The following KIDINS220 variants were observed in gnomAD, a reference collection of about 807,000 sequenced individuals.
KIDINS220 encodes the protein kinase D-interacting substrate of 220 kDa.
Under a neutral mutation model 157.6 loss-of-function variants are expected in KIDINS220, and 63 were observed. That is an observed-to-expected ratio of 0.40 (90% CI 0.33 to 0.49). The LOEUF (loss-of-function observed/expected upper bound fraction) is 0.49. Among genes scored for constraint, KIDINS220 ranks in the 20% least tolerant of loss-of-function variants. The pLI, the probability that KIDINS220 is intolerant of heterozygous loss-of-function variation, is 0.66. For synonymous variants in KIDINS220, 732 were observed against 783.6 expected (o/e 0.93, Z 1.10); for missense variants, 1,772 against 2,171.2 (o/e 0.82, Z 3.65).
rs2147939165 is a variant in KIDINS220, at chr2:8,730,522, A to G, written c.*198T>C. 7.0e-7 allele frequency: 1 copy of G among 1,423,022 alleles called. No homozygotes were observed. The highest frequency in any genetic ancestry group is 9.1e-7 in the Non-Finnish European group (1 of 1,095,784). The allele number at this position is 1,423,022 out of a possible 1,614,324, so 88.1% of individuals were successfully genotyped here. Reference sequence around the variant, plus strand: ...AGTTCTGAAGCTTCTAATTACAAAGACCACAGAGGCTGGCTGGTGAGCCAT... The same window carrying G: ...AGTTCTGAAGCTTCTAATTACAAAGGCCACAGAGGCTGGCTGGTGAGCCAT... On this transcript the variant is annotated 3_prime_UTR_variant, in exon 30 of 30. Coordinates refer to ENST00000256707, the MANE Select transcript of KIDINS220 (RefSeq NM_020738.4).
At chr2:8,797,770 A>C (rs1428414447) in intron 10 of KIDINS220, among the ~76,000 whole-genome samples, 1 of 152,208 alleles carries the variant, frequency 6.6e-6, no homozygotes, top group African/African-American at 2.4e-5. Flanking sequence ...AAAACAGTTG[A>C]AAGTAGCTAG....
chr2:8,809,085 C>A (rs970396737), intron 6 of KIDINS220, among the ~76,000 whole-genome samples: 1 of 152,156 alleles, frequency 6.6e-6, no homozygotes, highest in Non-Finnish European at 1.5e-5. Context: ...GTGGCACAAT[C>A]TCAGCTCACT....
chr2:8,734,400 G>A (rs754094011), intron 28 of KIDINS220, among the ~76,000 whole-genome samples: 37 of 152,236 alleles, frequency 2.4e-4, no homozygotes, highest in African/African-American at 5.3e-4. Flanking sequence ...ATGAAGAACC[G>A]GCAGGCGGCC....
At chr2:8,824,400 G>A (rs529177225) in intron 2 of KIDINS220, among the ~76,000 whole-genome samples, 17 of 152,262 alleles carry the variant, frequency 1.1e-4, no homozygotes, top group African/African-American at 3.6e-4. Flanking sequence ...ACATTTATAC[G>A]TCAGGCATGA....
intron 6 of KIDINS220, among the ~76,000 whole-genome samples, chr2:8,810,008 G>A (rs1443513418): frequency 6.6e-6 from 1 of 152,002 alleles, no homozygotes; most frequent in African/African-American, 2.4e-5. Context: ...ACCACTGAGG[G>A]TGCACTCAAC....
At chr2:8,725,189 AT>A (rs974933389), downstream of KIDINS220, 10 of 152,238 alleles carry the variant, frequency 6.6e-5, no homozygotes, top group African/African-American at 1.9e-4. Context: ...AAATAGTTTA[AT>A]TTCCATCAAG....
intron 1 of KIDINS220, among the ~76,000 whole-genome samples, chr2:8,836,421 A>T (rs1194155794): frequency 1.3e-5 from 2 of 151,848 alleles, no homozygotes; most frequent in African/African-American, 2.4e-5. Flanking sequence ...AGGGTGTAGA[A>T]CAAGGATTCT....
chr2:8,746,132 C>T (rs1312702335), intron 26 of KIDINS220, among the ~76,000 whole-genome samples: 8 of 147,778 alleles, frequency 5.4e-5, no homozygotes, highest in Non-Finnish European at 8.9e-5. Context: ...GACCGAGTCT[C>T]GCTCTTGTTG....
chr2:8,829,909 C>T (rs1223582316), intron 1 of KIDINS220, among the ~76,000 whole-genome samples: 1 of 151,562 alleles, frequency 6.6e-6, no homozygotes, highest in African/African-American at 2.4e-5. Flanking sequence ...CAGGATCTGG[C>T]TCTCCCTCTA....
chr2:8,763,384 T>C (rs1329693452), intron 22 of KIDINS220, among the ~76,000 whole-genome samples: 1 of 152,100 alleles, frequency 6.6e-6, no homozygotes, highest in Non-Finnish European at 1.5e-5. Context: ...AAATCCAAAA[T>C]CCCAAATGCT....
At chr2:8,793,396 T>C (rs1404426060) in intron 12 of KIDINS220, among the ~76,000 whole-genome samples, 1 of 152,168 alleles carries the variant, frequency 6.6e-6, no homozygotes, top group Non-Finnish European at 1.5e-5. Context: ...CTCAGGAGGC[T>C]GAGGTGGGAG....
chr2:8,807,809 G>A (rs888576900), intron 6 of KIDINS220, among the ~76,000 whole-genome samples: 5 of 152,098 alleles, frequency 3.3e-5, no homozygotes, highest in Admixed American at 1.3e-4. Flanking sequence ...CTCAAAGCAG[G>A]CTTAGGAAGA....
intron 22 of KIDINS220, among the ~76,000 whole-genome samples, chr2:8,765,705 T>C (rs1475175335): frequency 6.6e-6 from 1 of 152,154 alleles, no homozygotes; most frequent in African/African-American, 2.4e-5. Flanking sequence ...ACTTTTATTA[T>C]CTTTAAAAGA....
At chr2:8,721,409 G>A (rs941318656), downstream of KIDINS220, 1 of 152,146 alleles carries the variant, frequency 6.6e-6, no homozygotes, top group Non-Finnish European at 1.5e-5. Context: ...TCATTAGCCC[G>A]ATACTGAACA....
At chr2:8,823,166 T>C (rs2148419169) in intron 2 of KIDINS220, among the ~76,000 whole-genome samples, 1 of 152,226 alleles carries the variant, frequency 6.6e-6, no homozygotes, top group South Asian at 2.1e-4. Context: ...CTCACTACAG[T>C]GCCCAGGCTG....
At position 8,731,324 on chromosome 2, in the gene KIDINS220, T is replaced by C; in HGVS notation, c.4712A>G (p.Glu1571Gly). Residue 1571 changes from glutamate (E) to glycine (G), a missense_variant, in exon 30 of 30, where the codon GAG becomes GGG. Transcript: ENST00000256707. This position sits in a 1 kb window ranked among gnomAD's most constrained non-coding sequence, Gnocchi z 5.2. ...GTCAAGGAGCGCATCCGATAAATAC[T>C]CTTTGGCTTTAATGAAGGTTCTGAT... ...EPIRTFIKAK[E>G]YLSDALLDKK... 6.2e-7 allele frequency: 1 copy of C among 1,614,212 alleles called. No individual in the cohort carries two copies. The highest frequency in any genetic ancestry group is 1.1e-5 in the South Asian group (1 of 91,090).
Position 8,730,889 on chromosome 2 carries a change from C to T in KIDINS220, c.5147G>A (p.Ser1716Asn), listed in dbSNP as rs1217785490. 3 of 1,614,084 alleles carry T rather than the reference C, an allele frequency of 1.9e-6. No individual in the cohort carries two copies. The African/African-American group carries it at 4.0e-5, about 22-fold the overall frequency. Residue 1716 changes from serine (S) to asparagine (N), a missense_variant, in exon 30 of 30, where the codon AGT becomes AAT. Physicochemically the swap from Ser to Asn is conservative, Grantham distance 46. This residue lies in a region of KIDINS220 where 793 missense variants were observed against 885.5 expected (regional missense o/e 0.90). Coordinates refer to ENST00000256707, the MANE Select transcript of KIDINS220 (RefSeq NM_020738.4). Reference protein sequence around the residue: ...RETSQVILRPSSSPNPTTIQN... With the variant: ...RETSQVILRPNSSPNPTTIQN... ...AATAGTGGTTGGGTTGGGACTGGAACTAGGCCTCAAAATGACTTGAGAAGT... is the reference window on the plus strand; with the variant it reads ...AATAGTGGTTGGGTTGGGACTGGAATTAGGCCTCAAAATGACTTGAGAAGT...
intron 26 of KIDINS220, among the ~76,000 whole-genome samples, chr2:8,740,542 T>A (rs541831366): frequency 1.3e-5 from 2 of 152,238 alleles, no homozygotes; most frequent in African/African-American, 4.8e-5. Context: ...AAGTTTAACA[T>A]TAATTTAAAA....
intron 20 of KIDINS220, 143 bp downstream of exon 20, chr2:8,778,495 GA>G: frequency 1.4e-6 from 1 of 696,122 alleles, no homozygotes; most frequent in Non-Finnish European, 2.6e-6. Context: ...TGAAACACAT[GA>G]AGCTGAAAGG....
Sources: allele counts gnomAD v4.1 joint callset (sites outside exome capture counted in the v4.1 genomes callset), GRCh38; gene constraint gnomAD v4.1.1; regional missense constraint gnomAD v4.1.1; non-coding constraint Gnocchi (gnomAD v3.1); transcripts MANE v1.5; gene names NCBI Gene and HGNC (gene_info 2026-07-23, HGNC 2026-07-21).